The following FAM107B variants were observed in gnomAD, a reference collection of about 807,000 sequenced individuals.
FAM107B encodes protein FAM107B.
FAM107B carries 21 observed loss-of-function variants against 31.5 expected under a neutral mutation model. The ratio of observed to expected loss-of-function variants is 0.67; its 90% CI spans 0.47 to 0.96. The LOEUF is 0.96. Among genes scored for constraint, FAM107B ranks in the 40% least tolerant of loss-of-function variants. The pLI, the probability that FAM107B is intolerant of heterozygous loss-of-function variation, is 0.00. For missense variants in FAM107B, 452 were observed against 377.1 expected, an observed-to-expected ratio of 1.20 and a Z score of -1.64; for synonymous variants, 157 against 141.5, an observed-to-expected ratio of 1.11 and a Z score of -0.78.
chr10:14,677,903 T>TA (rs1854729250), intron 1 of FAM107B, among the ~76,000 whole-genome samples: 1 of 152,186 alleles, frequency 6.6e-6, no homozygotes, highest in African/African-American at 2.4e-5. Flanking sequence ...GGTGTATTGA[T>TA]AAAAAGAAGT....
At chr10:14,742,972 T>C (rs559077088) in intron 1 of FAM107B, among the ~76,000 whole-genome samples, 1 of 152,296 alleles carries the variant, frequency 6.6e-6, no homozygotes, top group South Asian at 2.1e-4. Context: ...TTTCTTGGTC[T>C]TCCTACTTCC....
chr10:14,557,409 C>T (rs1441401924), intron 2 of FAM107B, among the ~76,000 whole-genome samples: 3 of 152,196 alleles, frequency 2.0e-5, no homozygotes, highest in African/African-American at 7.2e-5. Context: ...TTTATTTGTA[C>T]TAAACTGGTC....
At chr10:14,759,927 G>A (rs1833010646) in intron 1 of FAM107B, among the ~76,000 whole-genome samples, 1 of 152,120 alleles carries the variant, frequency 6.6e-6, no homozygotes, top group South Asian at 2.1e-4. Flanking sequence ...GGCCGGGCTG[G>A]TCTCAAACTC....
At position 14,708,615 on chromosome 10, in the gene FAM107B, G is replaced by GA. The variant is rs201312789; in HGVS notation, c.412-40925dup. On this transcript the variant is annotated intron_variant, in intron 1 of 4. Transcript: ENST00000181796. ...ATCTTAACCCAGTGGTATGTCTAAA[G>GA]AAAAAAAAAATTGATAAGTTGGACT... Among the ~76,000 whole-genome samples, 1,236 of 148,726 alleles carry GA rather than the reference G, an allele frequency of 8.3e-3. 45 individuals carry two copies. The highest frequency in any genetic ancestry group is 0.058 in the East Asian group (297 of 5,116).
intron 1 of FAM107B, among the ~76,000 whole-genome samples, chr10:14,674,650 A>G (rs529788406): frequency 2.0e-5 from 3 of 152,216 alleles, no homozygotes; most frequent in African/African-American, 4.8e-5. Flanking sequence ...TAACTCCCCA[A>G]GCAAGTTAAT....
intron 2 of FAM107B, chr10:14,602,328 A>T (rs1852426195): frequency 6.6e-6 from 1 of 152,216 alleles, no homozygotes; most frequent in Non-Finnish European, 1.5e-5. Flanking sequence ...CATCATCCTA[A>T]TGATCAACCT....
At chr10:14,753,134 G>A (rs928553173) in intron 1 of FAM107B, among the ~76,000 whole-genome samples, 2 of 152,150 alleles carry the variant, frequency 1.3e-5, no homozygotes, top group African/African-American at 4.8e-5. Context: ...AAGAGTGATC[G>A]TAGTTGTCAG....
intron 2 of FAM107B, among the ~76,000 whole-genome samples, chr10:14,575,285 C>A (rs1320389312): frequency 6.6e-6 from 1 of 151,950 alleles, no homozygotes; most frequent in Admixed American, 6.6e-5. Context: ...CTCACTGCAG[C>A]CTCCACCTCC....
At chr10:14,572,076 G>A (rs1851272751) in intron 2 of FAM107B, 2 of 985,388 alleles carry the variant, frequency 2.0e-6, no homozygotes, top group Non-Finnish European at 2.4e-6. Flanking sequence ...TCTCTTTCTG[G>A]ATATCAAAAG....
At position 14,762,663 on chromosome 10, in the gene FAM107B, G is replaced by A. The variant is rs187434597; in HGVS notation, c.411+11590C>T. 2.0e-4 allele frequency among the ~76,000 whole-genome samples: 31 copies of A among 151,812 alleles called. No individual in the cohort carries two copies. In the East Asian group the frequency reaches 5.6e-3, roughly 28 times the overall value. On this transcript the variant is annotated intron_variant, in intron 1 of 4. Transcript: ENST00000181796. Reference sequence around the variant, plus strand: ...CTCAGCTACTGGAAAGGCTGAGGCAGGAGAATAGCTCGAACATGGGAGGCA... The same window carrying A: ...CTCAGCTACTGGAAAGGCTGAGGCAAGAGAATAGCTCGAACATGGGAGGCA...
At chr10:14,604,352 C>A in intron 2 of FAM107B, 1 of 672,670 alleles carries the variant, frequency 1.5e-6, no homozygotes, top group South Asian at 6.4e-5. Context: ...GAGGGCGGCT[C>A]CGGGGGCGGC....
intron 1 of FAM107B, among the ~76,000 whole-genome samples, chr10:14,771,378 G>A (rs1166753856): frequency 2.0e-5 from 3 of 152,210 alleles, no homozygotes; most frequent in Non-Finnish European, 4.4e-5. Flanking sequence ...GGATACAAAA[G>A]TACAGTTAGA....
chr10:14,709,457 T>G (rs1295610595), intron 1 of FAM107B, among the ~76,000 whole-genome samples: 2 of 152,176 alleles, frequency 1.3e-5, no homozygotes, highest in African/African-American at 2.4e-5. Flanking sequence ...AGAGAGAGCT[T>G]ATGTAGGGAA....
At chr10:14,688,652 CAA>C (rs779242882) in intron 1 of FAM107B, among the ~76,000 whole-genome samples, 5 of 152,154 alleles carry the variant, frequency 3.3e-5, no homozygotes, top group Non-Finnish European at 7.3e-5. Flanking sequence ...TTCCAGAAAG[CAA>C]AGAGATGTTA....
intron 3 of FAM107B, among the ~76,000 whole-genome samples, chr10:14,523,003 T>C (rs1845832874): frequency 6.6e-6 from 1 of 152,118 alleles, no homozygotes; most frequent in South Asian, 2.1e-4. Context: ...AGAGATAAAT[T>C]AGGCTACCAT....
At chr10:14,599,115 CA>C (rs1852281055) in intron 2 of FAM107B, among the ~76,000 whole-genome samples, 1 of 152,236 alleles carries the variant, frequency 6.6e-6, no homozygotes, top group South Asian at 2.1e-4. Context: ...TAACCTCATG[CA>C]CCTAAACCTG....
At chr10:14,685,305 TG>T (rs1196584568) in intron 1 of FAM107B, among the ~76,000 whole-genome samples, 1 of 151,956 alleles carries the variant, frequency 6.6e-6, no homozygotes, top group East Asian at 1.9e-4. Context: ...TGTACCACCA[TG>T]ACCCGCTAAT....
intron 2 of FAM107B, chr10:14,548,307 G>C (rs1019250422): frequency 4.1e-6 from 2 of 484,666 alleles, no homozygotes; most frequent in Non-Finnish European, 5.4e-6. Flanking sequence ...ACACCCTGGG[G>C]GTCCAGGGGG....
At chr10:14,711,754 C>A (rs1564633448) in intron 1 of FAM107B, among the ~76,000 whole-genome samples, 1 of 152,190 alleles carries the variant, frequency 6.6e-6, no homozygotes, top group Non-Finnish European at 1.5e-5. Flanking sequence ...AGTGATTCTC[C>A]TGCCTCAGCC....
Sources: gnomAD v4.1 joint callset for allele counts (sites outside exome capture counted in the v4.1 genomes callset) on GRCh38, gnomAD v4.1.1 for gene constraint, MANE v1.5 for transcripts, NCBI Gene and HGNC (gene_info 2026-07-23, HGNC 2026-07-21) for gene names.